Variants in EPB41L4A observed in about 807,000 individuals in gnomAD.
The protein encoded by EPB41L4A is erythrocyte membrane protein band 4.1 like 4A, also known as band 4.1-like protein 4A.
Under a neutral mutation model 108.6 loss-of-function variants are expected in EPB41L4A, and 100 were observed. The ratio of observed to expected loss-of-function variants is 0.92; its 90% confidence interval spans 0.78 to 1.09. The LOEUF (loss-of-function observed/expected upper bound fraction) is 1.09, where lower values mean the gene tolerates loss of function less well. Among genes scored for constraint, EPB41L4A ranks in the 50% least tolerant of loss-of-function variants. EPB41L4A has a pLI of 0.00. For missense variants in EPB41L4A, 1,030 were observed against 842.7 expected (o/e 1.22, Z -2.75); for synonymous variants, 319 against 289.0 (o/e 1.10, Z -1.05).
rs528778719 is a variant in EPB41L4A, at chr5:112,150,780, T to C, written n.995-4782A>G. Among the ~76,000 whole-genome samples the C allele has an allele frequency of 2.0e-5, 3 of 152,332 alleles. No individual in the cohort carries two copies. The South Asian group carries it at 6.2e-4, about 32-fold the overall frequency. ...TCATTTTATATATTCACTCTTATTA[T>C]AGGAAGTAATAGTTTCAAAGTGCTG... is the stretch of plus-strand genomic sequence containing the variant. On this transcript the variant is annotated intron_variant and non_coding_transcript_variant, in intron 12 of 13. Transcript: ENST00000507810.
intron 7 of EPB41L4A, among the ~76,000 whole-genome samples, chr5:112,261,209 T>C (rs570010471): frequency 9.3e-4 from 142 of 152,284 alleles, no homozygotes; most frequent in African/African-American, 3.2e-3. Flanking sequence ...AACTACTTCT[T>C]CCCCACAATC....
intron 9 of EPB41L4A, among the ~76,000 whole-genome samples, chr5:112,258,904 T>C (rs1303981530): frequency 6.6e-6 from 1 of 152,204 alleles, no homozygotes; most frequent in Non-Finnish European, 1.5e-5. Context: ...TATACCCTTC[T>C]GATTATAACT....
chr5:112,173,067 C>T (rs1159109265), intron 18 of EPB41L4A, among the ~76,000 whole-genome samples: 1 of 152,170 alleles, frequency 6.6e-6, no homozygotes, highest in African/African-American at 2.4e-5. Context: ...TGGAAAACCA[C>T]TGATTAAGGG....
intron 13 of EPB41L4A, among the ~76,000 whole-genome samples, chr5:112,206,589 G>A (rs1036478253): frequency 6.6e-6 from 1 of 152,188 alleles, no homozygotes. Context: ...TATTTAATAC[G>A]ATAGTAGAAA....
chr5:112,276,157 T>C (rs1752620391), intron 3 of EPB41L4A, among the ~76,000 whole-genome samples: 1 of 152,192 alleles, frequency 6.6e-6, no homozygotes, highest in Non-Finnish European at 1.5e-5. Context: ...CATAATAAAA[T>C]TAGGGACAAT....
intron 3 of EPB41L4A, among the ~76,000 whole-genome samples, chr5:112,277,720 C>G (rs1397114286): frequency 6.6e-6 from 1 of 152,096 alleles, no homozygotes; most frequent in African/African-American, 2.4e-5. Context: ...AGATAATACT[C>G]TCATATGCAT....
intron 12 of EPB41L4A, chr5:112,146,085 C>G (rs1330174881): frequency 2.4e-6 from 1 of 422,420 alleles, no homozygotes; most frequent in African/African-American, 2.1e-5. Flanking sequence ...AGGGACTACT[C>G]ACCCATTCAT....
At chr5:112,173,661 T>TGA (rs1221696648) in intron 18 of EPB41L4A, 1 of 129,952 alleles carries the variant, frequency 7.7e-6, no homozygotes, top group African/African-American at 2.8e-5. Context: ...TTTTTTTTTT[T>TGA]GAGAGAGAGT....
In EPB41L4A at chr5:112,264,985, A is replaced by G; in HGVS notation, c.465T>C (p.His155=). The G allele has an allele frequency of 6.2e-7, 1 of 1,609,090 alleles. No homozygotes were observed. Among genetic ancestry groups the G allele is most frequent in the Non-Finnish European group, 8.5e-7 (1 of 1,178,364 alleles). The change falls in exon 6 of 23, where the codon CAT becomes CAC. Residue 155 remains histidine, a synonymous_variant. Transcript: ENST00000261486. ...GGTACTCAGATACATATCCTGCAGT[A>G]TGTTTATATGGGTCATAATCTCCAA... The part of the protein sequence containing the change: ...SELGDYDPYK[H]TAGYVSEYRF...
At chr5:112,325,683 A>C (rs535285463) in intron 1 of EPB41L4A, among the ~76,000 whole-genome samples, 41 of 152,308 alleles carry the variant, frequency 2.7e-4, no homozygotes, top group African/African-American at 9.6e-4. Flanking sequence ...GCACAGACCA[A>C]TGTTCAGAGG....
chr5:112,414,269 AG>A (rs1762577916), intron 1 of EPB41L4A, among the ~76,000 whole-genome samples: 1 of 142,524 alleles, frequency 7.0e-6, no homozygotes, highest in Non-Finnish European at 1.5e-5. Context: ...ATTCCAAAAG[AG>A]GGGGAAAAAA....
intron 8 of EPB41L4A, among the ~76,000 whole-genome samples, chr5:112,259,522 T>G (rs4958028): frequency 0.19 from 29,206 of 152,122 alleles, 3,089 homozygotes; most frequent in Middle Eastern, 0.23. Context: ...ATCCCTAGAT[T>G]GTGGCAGTGC....
chr5:112,380,658 G>A (rs1760113178), intron 1 of EPB41L4A, among the ~76,000 whole-genome samples: 3 of 152,046 alleles, frequency 2.0e-5, no homozygotes, highest in African/African-American at 7.2e-5. Flanking sequence ...ACTCTTCCAA[G>A]CTTTCAAGAA....
chr5:112,252,097 A>G (rs1396472946), intron 9 of EPB41L4A, among the ~76,000 whole-genome samples: 5 of 152,144 alleles, frequency 3.3e-5, no homozygotes, highest in Non-Finnish European at 1.5e-5. Context: ...GGCCAAAGAA[A>G]GGACATACAA....
chr5:112,202,637 C>T (rs1049970551), intron 15 of EPB41L4A, among the ~76,000 whole-genome samples: 1 of 152,100 alleles, frequency 6.6e-6, no homozygotes, highest in South Asian at 2.1e-4. Context: ...TGATCTAGCA[C>T]CCTCATGTCA....
chr5:112,201,257 G>A (rs1762206452), intron 15 of EPB41L4A, among the ~76,000 whole-genome samples: 1 of 152,144 alleles, frequency 6.6e-6, no homozygotes, highest in African/African-American at 2.4e-5. Context: ...AAGGCTCTAT[G>A]GATGCTCAGG....
At chr5:112,261,833 A>AT (rs11404542) in intron 7 of EPB41L4A, among the ~76,000 whole-genome samples, 10,270 of 149,278 alleles carry the variant, frequency 0.069, 407 homozygotes, top group Middle Eastern at 0.09. Flanking sequence ...CATAAAATCT[A>AT]TTTTTTGAAA....
intron 12 of EPB41L4A, among the ~76,000 whole-genome samples, chr5:112,150,035 G>A (rs947754286): frequency 6.6e-6 from 1 of 152,138 alleles, no homozygotes; most frequent in African/African-American, 2.4e-5. Context: ...GAAACAGTAG[G>A]GATGATTAGC....
chr5:112,266,266 T>C lies in EPB41L4A; in HGVS notation c.400A>G (p.Thr134Ala), dbSNP rs1751848407. The change falls in exon 5 of 23, where the codon ACT becomes GCT. Residue 134 changes from threonine (T) to alanine (A), a missense_variant. Transcript: ENST00000261486. The stretch of plus-strand genomic sequence containing the variant: ...GCATACGCTCCCAGCTGAGCAGCAG[T>C]GTTGACGGGACAGGGCAGACGGCCC... ...LQGRLPCPVN[T>A]AAQLGAYAIQ... The C allele has an allele frequency of 6.2e-7, 1 of 1,611,226 alleles. No individual in the cohort carries two copies. Among genetic ancestry groups the C allele is most frequent in the Non-Finnish European group, 8.5e-7 (1 of 1,178,962 alleles).
Sources: gnomAD v4.1 joint callset for allele counts (sites outside exome capture counted in the v4.1 genomes callset) on GRCh38, gnomAD v4.1.1 for gene constraint, MANE v1.5 for transcripts, NCBI Gene and HGNC (gene_info 2026-07-23, HGNC 2026-07-21) for gene names.